COPS4: variants seen among roughly 807,000 people sequenced by gnomAD.
COPS4 encodes COP9 signalosome complex subunit 4.
In COPS4, 8 loss-of-function variants were observed where a neutral mutation model predicts 55.1. That is an observed-to-expected ratio of 0.15 (90% CI 0.09 to 0.26). The LOEUF (loss-of-function observed/expected upper bound fraction) is 0.26. COPS4 is among the 10% of genes least tolerant of loss of function. The probability of loss-of-function intolerance (pLI) is 1.00; values close to 1 mark genes in which losing one functional copy is unlikely to be tolerated. For missense variants in COPS4, 248 were observed against 484.0 expected (o/e 0.51, Z 4.58); for synonymous variants, 185 against 165.7 (o/e 1.12, Z -0.90).
At chr4:83,059,895 G>A (rs1731115226) in intron 6 of COPS4, among the ~76,000 whole-genome samples, 1 of 151,810 alleles carries the variant, frequency 6.6e-6, no homozygotes. Flanking sequence ...TAGAGACGGG[G>A]TTTCACCATG....
chr4:83,068,041 A>G (rs1312113600), intron 8 of COPS4, among the ~76,000 whole-genome samples: 1 of 152,322 alleles, frequency 6.6e-6, no homozygotes, highest in African/African-American at 2.4e-5. Flanking sequence ...GAATTTCACC[A>G]TCTACCTTTC....
rs142986018 is a variant in COPS4 at position 83,044,170 on chromosome 4, C to T, written c.75-1456C>T. 1.6e-3 allele frequency among the ~76,000 whole-genome samples: 242 copies of T among 152,234 alleles called. 1 individual carries two copies. Among genetic ancestry groups the T allele is most frequent in the African/African-American group, 3.4e-3 (142 of 41,540 alleles). On this transcript the variant is annotated intron_variant, in intron 1 of 9. Transcript: ENST00000264389. ...TTAAAAAATATTACAATTGGCTGGGCGCGGTGGCTCACGCCTGTAATCCCA... is the reference window on the plus strand; with the variant it reads ...TTAAAAAATATTACAATTGGCTGGGTGCGGTGGCTCACGCCTGTAATCCCA...
intron 9 of COPS4, among the ~76,000 whole-genome samples, chr4:83,072,998 G>A (rs764559813): frequency 6.6e-6 from 1 of 151,978 alleles, no homozygotes; most frequent in Non-Finnish European, 1.5e-5. Context: ...GCAACATAAC[G>A]AGACCCCATT....
chr4:83,055,081 A>G (rs1046088987), intron 4 of COPS4, among the ~76,000 whole-genome samples: 1 of 152,262 alleles, frequency 6.6e-6, no homozygotes, highest in Non-Finnish European at 1.5e-5. Flanking sequence ...CCCCAAATCA[A>G]TAAAGTATAG....
At chr4:83,041,058 T>G (rs867174743) in intron 1 of COPS4, among the ~76,000 whole-genome samples, 4 of 151,406 alleles carry the variant, frequency 2.6e-5, no homozygotes, top group South Asian at 2.1e-4. Context: ...GTTTTTTTTT[T>G]TTGTTTTTTG....
intron 4 of COPS4, among the ~76,000 whole-genome samples, chr4:83,055,197 A>G (rs962096776): frequency 2.6e-5 from 4 of 152,258 alleles, no homozygotes; most frequent in African/African-American, 7.2e-5. Context: ...GTTAGGATTA[A>G]TCTTGTTTCA....
chr4:83,038,160 A>G (rs779835625), intron 1 of COPS4, among the ~76,000 whole-genome samples: 1 of 152,246 alleles, frequency 6.6e-6, no homozygotes, highest in Non-Finnish European at 1.5e-5. Context: ...TCTAACTCAG[A>G]TTCTGATTCT....
chr4:83,043,596 G>A (rs563284273), intron 1 of COPS4, among the ~76,000 whole-genome samples: 72 of 146,488 alleles, frequency 4.9e-4, no homozygotes, highest in Middle Eastern at 7.1e-3. Context: ...TTATATAAGT[G>A]AGACACTATT....
intron 4 of COPS4, among the ~76,000 whole-genome samples, chr4:83,053,115 G>C (rs1231223562): frequency 6.6e-6 from 1 of 151,932 alleles, no homozygotes; most frequent in Non-Finnish European, 1.5e-5. Context: ...CATGCTTGTA[G>C]TCCTGGCTAC....
At chr4:83,061,408 A>C (rs1731161999) in intron 6 of COPS4, among the ~76,000 whole-genome samples, 1 of 152,000 alleles carries the variant, frequency 6.6e-6, no homozygotes, top group African/African-American at 2.4e-5. Flanking sequence ...TAGCCTTCTT[A>C]TTTTTTTATA....
chr4:83,049,861 A>G lies in COPS4; in HGVS notation c.307-20A>G. ...CTAATGTCAGTTGAAATAATTTGACATGTATACCTATTATTCCAGGTTGCT... is the reference window on the plus strand; with the variant it reads ...CTAATGTCAGTTGAAATAATTTGACGTGTATACCTATTATTCCAGGTTGCT... On this transcript the variant is annotated intron_variant, in intron 3 of 9. Coordinates refer to ENST00000264389, the MANE Select transcript of COPS4 (RefSeq NM_016129.3). The G allele has an allele frequency of 3.7e-6, 5 of 1,367,282 alleles. No individual in the cohort carries two copies. Among genetic ancestry groups the G allele is most frequent in the Non-Finnish European group, 1.0e-6 (1 of 985,406 alleles). 84.7% of individuals were successfully genotyped at this position (1,367,282 alleles called of 1,614,324 possible).
At chr4:83,049,029 T>C (rs1407556730) in intron 2 of COPS4, 137 bp from the exon 3 acceptor site, 1 of 702,666 alleles carries the variant, frequency 1.4e-6, no homozygotes, top group South Asian at 1.9e-5. Context: ...ATGATAGGGG[T>C]ATGGAAATCC....
At chr4:83,065,366 C>G (rs1414113577) in intron 7 of COPS4, among the ~76,000 whole-genome samples, 1 of 151,986 alleles carries the variant, frequency 6.6e-6, no homozygotes, top group East Asian at 1.9e-4. Flanking sequence ...ATTAAACCCT[C>G]TAATATTTCA....
chr4:83,058,130 C>A (rs1731061356), intron 6 of COPS4, among the ~76,000 whole-genome samples: 1 of 151,284 alleles, frequency 6.6e-6, no homozygotes, highest in African/African-American at 2.4e-5. Flanking sequence ...TCCTTTTCTT[C>A]AATACGTGTA....
At chr4:83,036,258 A>C (rs1730415069) in intron 1 of COPS4, among the ~76,000 whole-genome samples, 17 of 146,368 alleles carry the variant, frequency 1.2e-4, no homozygotes, top group South Asian at 2.2e-4. Flanking sequence ...ACATAGTGAG[A>C]CCCCCCCCCC....
At chr4:83,052,044 A>G (rs1730901156) in intron 4 of COPS4, among the ~76,000 whole-genome samples, 1 of 152,188 alleles carries the variant, frequency 6.6e-6, no homozygotes, top group South Asian at 2.1e-4. Flanking sequence ...TGGCATTAGT[A>G]GTGTAGAGGC....
intron 9 of COPS4, among the ~76,000 whole-genome samples, 195 bp from the exon 10 acceptor site, chr4:83,075,102 G>A (rs1731540208): frequency 6.6e-6 from 1 of 151,994 alleles, no homozygotes; most frequent in African/African-American, 2.4e-5. Flanking sequence ...GAGTGACAGA[G>A]CAAGACTCCA....
intron 1 of COPS4, 151 bp from the exon 2 acceptor site, chr4:83,045,473 TAA>T: frequency 2.1e-6 from 1 of 472,594 alleles, no homozygotes; most frequent in Non-Finnish European, 3.7e-6. Flanking sequence ...ACTAGAAACT[TAA>T]AAAAAAATCT....
chr4:83,056,853 C>A, intron 4 of COPS4, 73 bp from the exon 5 acceptor site: 1 of 1,248,974 alleles, frequency 8.0e-7, no homozygotes, highest in Non-Finnish European at 1.1e-6. Flanking sequence ...GAAAAAACAA[C>A]ATATCTTCTA....
Sources: allele counts gnomAD v4.1 joint callset (sites outside exome capture counted in the v4.1 genomes callset), GRCh38; gene constraint gnomAD v4.1.1; transcripts MANE v1.5; gene names NCBI Gene and HGNC (gene_info 2026-07-23, HGNC 2026-07-21).